Variants in RAP1B observed in about 807,000 individuals in gnomAD.
RAP1B encodes ras-related protein Rap-1b.
A neutral mutation model predicts 27.5 loss-of-function variants in RAP1B; 1 was observed. The ratio of observed to expected loss-of-function variants is 0.04; its 90% CI spans 0.01 to 0.17. The LOEUF is 0.17. Ranked by LOEUF, RAP1B falls within the 10% of genes least tolerant of loss-of-function variation. The probability of loss-of-function intolerance (pLI) is 1.00; values close to 1 mark genes in which losing one functional copy is unlikely to be tolerated. For missense variants in RAP1B, 84 were observed against 214.8 expected, an observed-to-expected ratio of 0.39 and a Z score of 3.81; for synonymous variants, 75 against 73.1, an observed-to-expected ratio of 1.03 and a Z score of -0.13.
intron 1 of RAP1B, among the ~76,000 whole-genome samples, chr12:68,633,688 G>T (rs1872426574): frequency 6.6e-6 from 1 of 151,978 alleles, no homozygotes. Context: ...GGCCAATGTG[G>T]TGAAACCCCG....
intron 1 of RAP1B, among the ~76,000 whole-genome samples, chr12:68,622,099 A>G (rs925985776): frequency 6.6e-6 from 1 of 152,188 alleles, no homozygotes; most frequent in African/African-American, 2.4e-5. Context: ...GCTTCAGTTT[A>G]GTTTCTGGCA....
intron 1 of RAP1B, among the ~76,000 whole-genome samples, chr12:68,613,786 A>C (rs1224847167): frequency 6.6e-6 from 1 of 152,254 alleles, no homozygotes; most frequent in Non-Finnish European, 1.5e-5. Context: ...ATGAACATTC[A>C]AAGAGAGGAT....
At chr12:68,651,110 A>G (rs1373859098) in intron 3 of RAP1B, among the ~76,000 whole-genome samples, 2 of 152,182 alleles carry the variant, frequency 1.3e-5, no homozygotes, top group African/African-American at 4.8e-5. Context: ...TCATGTGTGG[A>G]ATTTTCCACT....
chr12:68,613,599 T>G (rs892135055), intron 1 of RAP1B, among the ~76,000 whole-genome samples: 1 of 152,220 alleles, frequency 6.6e-6, no homozygotes, highest in African/African-American at 2.4e-5. Flanking sequence ...CTTAACGCAC[T>G]GGCATGGTGC....
chr12:68,618,733 C>T (rs544665739), intron 1 of RAP1B, among the ~76,000 whole-genome samples: 22 of 150,602 alleles, frequency 1.5e-4, no homozygotes, highest in Admixed American at 1.4e-3. Context: ...CACTGCCATG[C>T]ACTCAGATTT....
chr12:68,654,814 A>G (rs1214164545), intron 5 of RAP1B, among the ~76,000 whole-genome samples: 2 of 152,168 alleles, frequency 1.3e-5, no homozygotes, highest in South Asian at 4.1e-4. Flanking sequence ...AGAGTCTACC[A>G]TAATGGAGTT....
chr12:68,647,279 A>T (rs1873475871), intron 1 of RAP1B, among the ~76,000 whole-genome samples: 1 of 146,568 alleles, frequency 6.8e-6, no homozygotes, highest in Non-Finnish European at 1.5e-5. Flanking sequence ...TCACGCCTGT[A>T]ATCCCAGCAC....
intron 1 of RAP1B, among the ~76,000 whole-genome samples, chr12:68,625,043 A>G (rs3098803): frequency 7.9e-5 from 12 of 152,314 alleles, no homozygotes; most frequent in African/African-American, 2.6e-4. Flanking sequence ...CTAATGTTCA[A>G]CGATGCACAC....
intron 2 of RAP1B, chr12:68,649,211 A>AT (rs1424649492): frequency 6.5e-6 from 1 of 154,512 alleles, no homozygotes; most frequent in African/African-American, 2.4e-5. Flanking sequence ...TGCCAGGCTA[A>AT]TTTTTAAAAT....
Position 68,648,721 on chromosome 12 carries a change from C to T in RAP1B, c.-4C>T. On this transcript the variant is annotated 5_prime_UTR_variant, in exon 2 of 8. Transcript: ENST00000250559. ...AAGGTACTAGGTTTTGACAAGCTTG[C>T]ATCATGCGTGAGTATAAGCTAGTCG... is the stretch of plus-strand genomic sequence containing the variant. The T allele has an allele frequency of 6.2e-7, 1 of 1,609,936 alleles. No homozygotes were observed. The highest frequency in any genetic ancestry group is 2.2e-5 in the East Asian group (1 of 44,802).
At chr12:68,629,884 G>C (rs1395222561) in intron 1 of RAP1B, among the ~76,000 whole-genome samples, 3 of 152,110 alleles carry the variant, frequency 2.0e-5, no homozygotes, top group African/African-American at 7.2e-5. Flanking sequence ...GGGTTGTTTG[G>C]CATATATTTT....
At chr12:68,650,373 A>G (rs764156510) in intron 2 of RAP1B, 27 bp from the exon 3 acceptor site, 2 of 1,510,766 alleles carry the variant, frequency 1.3e-6, no homozygotes, top group Non-Finnish European at 8.9e-7. Context: ...CTTTAGAAGT[A>G]TAATGGTTTC....
chr12:68,638,886 C>G (rs1445545502), intron 1 of RAP1B, among the ~76,000 whole-genome samples: 1 of 152,050 alleles, frequency 6.6e-6, no homozygotes, highest in East Asian at 1.9e-4. Flanking sequence ...GTGTCGAATT[C>G]CTCACTTCAA....
At chr12:68,650,517 C>T (rs774998180) in intron 3 of RAP1B, 49 bp downstream of exon 3, 5 of 1,285,834 alleles carry the variant, frequency 3.9e-6, no homozygotes, top group South Asian at 1.6e-5. Flanking sequence ...AATATAAATA[C>T]TTATTTTAGC....
intron 1 of RAP1B, among the ~76,000 whole-genome samples, chr12:68,620,581 T>A (rs561231262): frequency 2.0e-5 from 3 of 151,722 alleles, no homozygotes; most frequent in Non-Finnish European, 4.4e-5. Context: ...ACTCATGGGA[T>A]AAGTCCAAAT....
Position 68,670,083 on chromosome 12 carries a change from T to A in RAP1B, c.*10834T>A, listed in dbSNP as rs1875027545. On this transcript the variant is annotated 3_prime_UTR_variant, in exon 8 of 8. Transcript: ENST00000250559. ...TCCCGAGTAGCTGGGATTACAGGCATGTGCCACCACGCCTGGGCTAATTTT... is the reference window on the plus strand; with the variant it reads ...TCCCGAGTAGCTGGGATTACAGGCAAGTGCCACCACGCCTGGGCTAATTTT... 6.6e-6 allele frequency: 1 copy of A among 152,034 alleles called. No homozygotes were observed. Among genetic ancestry groups the A allele is most frequent in the Non-Finnish European group, 1.5e-5 (1 of 68,296 alleles). The allele number at this position is 152,034 out of a possible 1,614,324, so 9.4% of individuals were successfully genotyped here. A position where few individuals can be genotyped will look rare whatever the true frequency, so the allele number is the denominator to read the frequency against.
chr12:68,657,736 ACACAC>A, intron 7 of RAP1B: 1 of 81,390 alleles, frequency 1.2e-5, no homozygotes. Flanking sequence ...ACACACACAC[ACACAC>A]ACACACACAC....
chr12:68,659,357 T>C lies in RAP1B; in HGVS notation c.*108T>C, dbSNP rs1477315577. 2 of 452,032 alleles carry C rather than the reference T, an allele frequency of 4.4e-6. No homozygotes were observed. Among genetic ancestry groups the C allele is most frequent in the Non-Finnish European group, 8.9e-6 (2 of 225,760 alleles). 28.0% of individuals were successfully genotyped at this position (452,032 alleles called of 1,614,324 possible). On this transcript the variant is annotated 3_prime_UTR_variant, in exon 8 of 8. Coordinates refer to ENST00000250559, the MANE Select transcript of RAP1B (RefSeq NM_001010942.3). ...ACCTACCAACATCTTAAATGGACTT[T>C]CCTGTGGTGGTACCCTTTAAGAGGC...
rs1439159791 is a variant in RAP1B at position 68,663,056 on chromosome 12, TTTTTTC to T, written c.*3819_*3824del. On this transcript the variant is annotated 3_prime_UTR_variant, in exon 8 of 8. Transcript: ENST00000250559. ...GCATCAACACATTTGAATTTTCTTT[TTTTTTC>T]TTTTTCTTTTTTTTTTTTGAGACTG... The T allele has an allele frequency of 2.0e-5, 3 of 152,110 alleles. No homozygotes were observed. Among genetic ancestry groups the T allele is most frequent in the Non-Finnish European group, 2.9e-5 (2 of 68,070 alleles). The allele number at this position is 152,110 out of a possible 1,614,324, so 9.4% of individuals were successfully genotyped here.
Sources: gnomAD v4.1 joint callset for allele counts (sites outside exome capture counted in the v4.1 genomes callset) on GRCh38, gnomAD v4.1.1 for gene constraint, MANE v1.5 for transcripts, NCBI Gene and HGNC (gene_info 2026-07-23, HGNC 2026-07-21) for gene names.